Variants in TLN2 observed in about 807,000 individuals in gnomAD.
TLN2 encodes talin 2.
TLN2 carries 118 observed loss-of-function variants against 294.7 expected under a neutral mutation model. That is an observed-to-expected ratio of 0.40 (90% CI 0.34 to 0.47). TLN2 has a LOEUF of 0.47. TLN2 is among the 20% of genes least tolerant of loss of function. The pLI, the probability that TLN2 is intolerant of heterozygous loss-of-function variation, is 0.84. For missense variants in TLN2, 3,083 were observed against 3,282.2 expected (o/e 0.94, Z 1.48); for synonymous variants, 1,431 against 1,304.5 (o/e 1.10, Z -2.09).
intron 1 of TLN2, among the ~76,000 whole-genome samples, chr15:62,583,526 A>T (rs1382874455): frequency 1.3e-5 from 2 of 151,972 alleles, no homozygotes; most frequent in African/African-American, 4.8e-5. Context: ...ATTACAAAAG[A>T]TGGGAGACTA....
At chr15:62,458,782 A>T (rs184409514) in intron 1 of TLN2, among the ~76,000 whole-genome samples, 108 of 152,120 alleles carry the variant, frequency 7.1e-4, no homozygotes, top group African/African-American at 2.5e-3. Context: ...AAGAAAAAAT[A>T]AAAAACTCAA....
intron 9 of TLN2, among the ~76,000 whole-genome samples, chr15:62,673,104 G>GTGTGTGTGTGTGTC (rs2055651463): frequency 6.6e-6 from 1 of 151,266 alleles, no homozygotes; most frequent in African/African-American, 2.4e-5. Context: ...GTGTGTCTGT[G>GTGTGTGTGTGTGTC]TATAGACAGG....
chr15:62,805,828 G>A (rs1268946594), intron 51 of TLN2, 43 bp downstream of exon 51: 20 of 1,585,892 alleles, frequency 1.3e-5, no homozygotes, highest in Non-Finnish European at 1.6e-5. Flanking sequence ...ATGATTCTCT[G>A]TCGTGACTGG....
intron 1 of TLN2, among the ~76,000 whole-genome samples, chr15:62,451,484 C>T (rs928673195): frequency 4.6e-5 from 7 of 152,096 alleles, no homozygotes; most frequent in Non-Finnish European, 7.3e-5. Context: ...GGTGAAACCC[C>T]GTCTCTACTA....
intron 1 of TLN2, among the ~76,000 whole-genome samples, chr15:62,480,679 G>A (rs948622159): frequency 1.3e-5 from 2 of 152,188 alleles, no homozygotes; most frequent in East Asian, 1.9e-4. Context: ...AGCTGCCAGT[G>A]CTTCCAGTCT....
chr15:62,698,658 C>G, intron 15 of TLN2, 96 bp from the exon 16 acceptor site: 1 of 984,468 alleles, frequency 1.0e-6, no homozygotes, highest in South Asian at 1.4e-5. Flanking sequence ...GCTGCTTTGT[C>G]TTGAGTGCAG....
intron 1 of TLN2, among the ~76,000 whole-genome samples, chr15:62,392,424 T>TA (rs1354235263): frequency 6.6e-6 from 1 of 152,228 alleles, no homozygotes; most frequent in Non-Finnish European, 1.5e-5. Flanking sequence ...AAGTACCACT[T>TA]ACTTTTCCAT....
At chr15:62,826,526 G>T (rs1824844521) in intron 54 of TLN2, among the ~76,000 whole-genome samples, 1 of 152,194 alleles carries the variant, frequency 6.6e-6, no homozygotes, top group Admixed American at 6.5e-5. Context: ...CAGTTGTTCT[G>T]GGAGGTGTAC....
intron 1 of TLN2, among the ~76,000 whole-genome samples, chr15:62,400,962 T>G (rs1426110131): frequency 1.3e-5 from 2 of 152,004 alleles, no homozygotes; most frequent in East Asian, 3.9e-4. Context: ...ATTACAGCCA[T>G]GTACCACCAT....
intron 19 of TLN2, among the ~76,000 whole-genome samples, chr15:62,706,134 G>A (rs1050172594): frequency 4.6e-5 from 7 of 152,200 alleles, no homozygotes; most frequent in Middle Eastern, 3.2e-3. Context: ...ACTTCTGACC[G>A]TATTTCCTTG....
At chr15:62,449,198 A>C (rs1446303984) in intron 1 of TLN2, among the ~76,000 whole-genome samples, 1 of 152,148 alleles carries the variant, frequency 6.6e-6, no homozygotes. Context: ...TCTTAAGAGG[A>C]GGGGACCCAA....
rs185033208 is a variant in TLN2 at position 62,592,505 on chromosome 15, G to A, written c.-162+2743G>A. Among the ~76,000 whole-genome samples the A allele has an allele frequency of 3.9e-5, 6 of 152,270 alleles. No homozygotes were observed. The East Asian group carries it at 9.6e-4, about 24-fold the overall frequency. On this transcript the variant is annotated intron_variant, in intron 2 of 58. Transcript: ENST00000636159. Reference sequence around the variant, plus strand: ...GTATTGAACAACAACAGAAACATTTGTTTTAAATGTATAGTAATATGAGAG... The same window carrying A: ...GTATTGAACAACAACAGAAACATTTATTTTAAATGTATAGTAATATGAGAG...
intron 2 of TLN2, among the ~76,000 whole-genome samples, chr15:62,604,809 A>G (rs761574059): frequency 7.3e-5 from 11 of 151,344 alleles, no homozygotes; most frequent in Non-Finnish European, 1.5e-4. Flanking sequence ...CTGATTTTCC[A>G]TAGATTATAC....
Position 62,727,164 on chromosome 15 carries a change from T to C in TLN2, c.3333T>C (p.Ala1111=). The C allele has an allele frequency of 6.2e-7, 1 of 1,614,218 alleles. No homozygotes were observed. The highest frequency in any genetic ancestry group is 8.5e-7 in the Non-Finnish European group (1 of 1,180,042). Residue 1111 remains alanine, a synonymous_variant, in exon 28 of 59, where the codon GCT becomes GCC. Coordinates refer to ENST00000636159, the MANE Select transcript of TLN2 (RefSeq NM_015059.3). ...CCATGGCACAGCTGCTGACCTGTGC[T>C]GCTCAAGGCAACGAACACTACACAG... The part of the protein sequence containing the change: ...GSSMAQLLTC[A]AQGNEHYTGV...
intron 1 of TLN2, among the ~76,000 whole-genome samples, chr15:62,403,235 G>GAA (rs11413710): frequency 2.6e-3 from 392 of 149,196 alleles, no homozygotes; most frequent in African/African-American, 8.9e-3. Context: ...AAAAAGAGAG[G>GAA]AAAAAAAAAA....
intron 1 of TLN2, among the ~76,000 whole-genome samples, chr15:62,478,780 C>T (rs550033070): frequency 3.3e-5 from 5 of 152,158 alleles, no homozygotes; most frequent in Non-Finnish European, 5.9e-5. Flanking sequence ...AGAGTTATTT[C>T]GTCTATTTTG....
Position 62,420,403 on chromosome 15 carries a change from A to AT in TLN2, c.-238+29729dup, listed in dbSNP as rs888171298. ...TGTGTGTAGATGTCCTACCTGCTGT[A>AT]TTTTTTTTTTTGAAATGGAGTGTCG... On this transcript the variant is annotated intron_variant, in intron 1 of 58. Transcript: ENST00000636159. 1.3e-3 allele frequency among the ~76,000 whole-genome samples: 177 copies of AT among 140,540 alleles called. 2 individuals carry two copies. Among genetic ancestry groups the AT allele is most frequent in the African/African-American group, 3.8e-3 (145 of 38,158 alleles). 92.2% of individuals were successfully genotyped at this position (140,540 alleles called of 152,430 possible). A position where few individuals can be genotyped will look rare whatever the true frequency, so the allele number is the denominator to read the frequency against.
At chr15:62,662,301 T>C (rs992060057) in intron 9 of TLN2, among the ~76,000 whole-genome samples, 26 of 152,074 alleles carry the variant, frequency 1.7e-4, no homozygotes, top group African/African-American at 6.3e-4. Flanking sequence ...TTTACAATCT[T>C]GAAAGAAATT....
At chr15:62,839,056 G>A (rs1435174922) in intron 58 of TLN2, 75 bp downstream of exon 58, 14 of 1,544,376 alleles carry the variant, frequency 9.1e-6, no homozygotes, top group Non-Finnish European at 1.2e-5. Context: ...AAAGAATAGT[G>A]ACTTCAAGAT....
Sources: gnomAD v4.1 joint callset for allele counts (sites outside exome capture counted in the v4.1 genomes callset) on GRCh38, gnomAD v4.1.1 for gene constraint, MANE v1.5 for transcripts, NCBI Gene and HGNC (gene_info 2026-07-23, HGNC 2026-07-21) for gene names.